MSI2: variants seen among roughly 807,000 people sequenced by gnomAD.
MSI2 encodes RNA-binding protein Musashi homolog 2.
Under a neutral mutation model 45.6 loss-of-function variants are expected in MSI2, and 17 were observed. That is an observed-to-expected ratio of 0.37 (90% CI 0.26 to 0.56). The LOEUF (loss-of-function observed/expected upper bound fraction) is 0.56, where lower values mean the gene tolerates loss of function less well. Ranked by LOEUF, MSI2 falls within the 20% of genes least tolerant of loss-of-function variation. MSI2 has a pLI of 0.77. For missense variants in MSI2, 293 were observed against 444.2 expected (o/e 0.66, Z 3.06); for synonymous variants, 156 against 158.2 (o/e 0.99, Z 0.11).
chr17:57,557,301 G>A lies in MSI2; in HGVS notation c.454+27577G>A, dbSNP rs147925207. On this transcript the variant is annotated intron_variant, in intron 7 of 13. Coordinates refer to ENST00000284073, the MANE Select transcript of MSI2 (RefSeq NM_138962.4). ...GCAGCATCTTGCTACCTCTTTTTAC[G>A]CAAGATGAGTCCAGGAATATTCCAC... Among the ~76,000 whole-genome samples, 1,068 of 152,260 alleles carry A rather than the reference G, an allele frequency of 7.0e-3. 13 individuals carry two copies. The highest frequency in any genetic ancestry group is 0.01 in the South Asian group (49 of 4,820).
intron 6 of MSI2, among the ~76,000 whole-genome samples, chr17:57,518,273 T>C (rs997036895): frequency 1.3e-5 from 2 of 152,166 alleles, no homozygotes; most frequent in African/African-American, 4.8e-5. Flanking sequence ...GGGATTAAAA[T>C]TGGGATTGGA....
At position 57,472,742 on chromosome 17, in the gene MSI2, G is replaced by A. The variant is rs921174793; in HGVS notation, c.406-56934G>A. On this transcript the variant is annotated intron_variant, in intron 6 of 13. Coordinates refer to ENST00000284073, the MANE Select transcript of MSI2 (RefSeq NM_138962.4). ...CACTCAGCGTGGATCCTGGTACGTCGTAAACACTATGTGGTGGTGGCTGTT... is the reference window on the plus strand; with the variant it reads ...CACTCAGCGTGGATCCTGGTACGTCATAAACACTATGTGGTGGTGGCTGTT... 5.3e-5 allele frequency among the ~76,000 whole-genome samples: 8 copies of A among 152,268 alleles called. No homozygotes were observed. In the South Asian group the frequency reaches 8.3e-4, roughly 16 times the overall value.
At chr17:57,372,154 G>A (rs2083430441) in intron 5 of MSI2, among the ~76,000 whole-genome samples, 1 of 151,980 alleles carries the variant, frequency 6.6e-6, no homozygotes, top group Non-Finnish European at 1.5e-5. Flanking sequence ...AAAAGATTGG[G>A]GTTTCTTGGA....
At chr17:57,293,602 T>G (rs1184459273) in intron 5 of MSI2, among the ~76,000 whole-genome samples, 14 of 147,608 alleles carry the variant, frequency 9.5e-5, no homozygotes, top group Admixed American at 2.0e-4. Context: ...TTTGTTTTTT[T>G]TTTTGTTTTT....
chr17:57,354,298 G>A (rs910896876), intron 5 of MSI2, among the ~76,000 whole-genome samples: 3 of 152,150 alleles, frequency 2.0e-5, no homozygotes, highest in Non-Finnish European at 2.9e-5. Context: ...GTGTAAGGAC[G>A]TGGTATGGCC....
intron 5 of MSI2, among the ~76,000 whole-genome samples, chr17:57,391,593 C>T (rs12451046): frequency 0.12 from 18,660 of 152,168 alleles, 1,234 homozygotes; most frequent in Non-Finnish European, 0.16. Context: ...CTACCCCTCA[C>T]CGTGAGTCAT....
intron 7 of MSI2, among the ~76,000 whole-genome samples, chr17:57,533,963 C>A (rs1261460660): frequency 6.6e-6 from 1 of 152,244 alleles, no homozygotes; most frequent in Non-Finnish European, 1.5e-5. Flanking sequence ...TGACACAGCA[C>A]CCACTGTGAT....
At chr17:57,536,823 T>C (rs2086930463) in intron 7 of MSI2, among the ~76,000 whole-genome samples, 1 of 152,208 alleles carries the variant, frequency 6.6e-6, no homozygotes. Flanking sequence ...ACATGCCAGC[T>C]GGGTTCTCTT....
At chr17:57,334,308 G>A (rs1223365141) in intron 5 of MSI2, among the ~76,000 whole-genome samples, 2 of 152,154 alleles carry the variant, frequency 1.3e-5, no homozygotes, top group African/African-American at 4.8e-5. Flanking sequence ...AAATGAAATA[G>A]CCCTTCAGGG....
Position 57,290,083 on chromosome 17 carries a change from G to A in MSI2, c.312+27891G>A, listed in dbSNP as rs529849505. On this transcript the variant is annotated intron_variant, in intron 5 of 13. Coordinates refer to ENST00000284073, the MANE Select transcript of MSI2 (RefSeq NM_138962.4). ...CCCATGGTTGACAGCATGGATGCAG[G>A]GACCAGACTGCCCAGCCAGTTATAG... Among the ~76,000 whole-genome samples the A allele has an allele frequency of 2.2e-4, 33 of 152,256 alleles. 2 individuals carry two copies. The South Asian group carries it at 6.8e-3, about 32-fold the overall frequency.
chr17:57,614,538 T>C (rs1349220306), intron 8 of MSI2, among the ~76,000 whole-genome samples: 1 of 152,204 alleles, frequency 6.6e-6, no homozygotes, highest in African/African-American at 2.4e-5. Flanking sequence ...TACCTGTTTC[T>C]TGTCTTTTCT....
intron 5 of MSI2, among the ~76,000 whole-genome samples, chr17:57,386,218 A>G (rs2083683643): frequency 6.6e-6 from 1 of 152,134 alleles, no homozygotes; most frequent in Non-Finnish European, 1.5e-5. Flanking sequence ...CTGATGTTCT[A>G]ACTTTATCTT....
chr17:57,438,335 A>G (rs1394872541), intron 6 of MSI2, among the ~76,000 whole-genome samples: 1 of 152,150 alleles, frequency 6.6e-6, no homozygotes, highest in African/African-American at 2.4e-5. Context: ...ACCATTTCTC[A>G]GAAGGGGCTG....
chr17:57,402,008 A>G (rs372226043), intron 6 of MSI2, among the ~76,000 whole-genome samples: 1 of 152,194 alleles, frequency 6.6e-6, no homozygotes, highest in Non-Finnish European at 1.5e-5. Flanking sequence ...AGACAGCAGT[A>G]AAATTACCCC....
intron 6 of MSI2, among the ~76,000 whole-genome samples, chr17:57,489,018 C>T (rs569881766): frequency 3.9e-5 from 6 of 152,198 alleles, no homozygotes; most frequent in South Asian, 2.1e-4. Flanking sequence ...ACTCTCAGTC[C>T]GTGCCCAGAG....
intron 6 of MSI2, among the ~76,000 whole-genome samples, chr17:57,404,440 T>C (rs1222018738): frequency 2.0e-5 from 3 of 152,166 alleles, no homozygotes; most frequent in African/African-American, 4.8e-5. Flanking sequence ...GCAGCAGATA[T>C]TGGTATCCTC....
Position 57,682,732 on chromosome 17 carries a change from G to A in MSI2, c.*3215G>A, listed in dbSNP as rs370826061. ...ATGGCGAACATGGGAACCACCTTTC[G>A]CCTTCCCTGGGGGAGAAACCCTCTT... On this transcript the variant is annotated 3_prime_UTR_variant, in exon 14 of 14. Transcript: ENST00000284073. The A allele has an allele frequency of 3.2e-5, 7 of 219,706 alleles. No individual in the cohort carries two copies. The highest frequency in any genetic ancestry group is 2.7e-4 in the East Asian group (4 of 15,016). 13.6% of individuals were successfully genotyped at this position (219,706 alleles called of 1,614,324 possible).
intron 6 of MSI2, among the ~76,000 whole-genome samples, chr17:57,414,684 G>A (rs1438146481): frequency 6.6e-6 from 1 of 152,174 alleles, no homozygotes; most frequent in Non-Finnish European, 1.5e-5. Context: ...ACAGGCATGA[G>A]CCACCCTGCC....
chr17:57,525,461 A>T (rs1156876007), intron 6 of MSI2, among the ~76,000 whole-genome samples: 4 of 151,994 alleles, frequency 2.6e-5, no homozygotes, highest in Non-Finnish European at 2.9e-5. Context: ...AGTTTTTAGT[A>T]TTTTTTTGTA....
Sources: allele counts gnomAD v4.1 joint callset (sites outside exome capture counted in the v4.1 genomes callset), GRCh38; gene constraint gnomAD v4.1.1; transcripts MANE v1.5; gene names NCBI Gene and HGNC (gene_info 2026-07-23, HGNC 2026-07-21).